Variants in MYT1L observed in about 807,000 individuals in gnomAD.
MYT1L encodes myelin transcription factor 1-like protein.
MYT1L carries 12 observed loss-of-function variants against 126.7 expected under a neutral mutation model. The observed-to-expected ratio is 0.09, with a 90% confidence interval of 0.06 to 0.15. The LOEUF is 0.15. Among genes scored for constraint, MYT1L ranks in the 10% least tolerant of loss-of-function variants. The probability of loss-of-function intolerance (pLI) is 1.00; values close to 1 mark genes in which losing one functional copy is unlikely to be tolerated. For synonymous variants in MYT1L, 541 were observed against 604.2 expected (o/e 0.90, Z 1.53); for missense variants, 979 against 1,585.2 (o/e 0.62, Z 6.49).
intron 5 of MYT1L, among the ~76,000 whole-genome samples, chr2:1,981,207 A>C (rs900007805): frequency 6.6e-5 from 10 of 152,212 alleles, no homozygotes; most frequent in Admixed American, 3.9e-4. Context: ...AATACTATGG[A>C]TGAGTATTAT....
intron 3 of MYT1L, among the ~76,000 whole-genome samples, chr2:2,055,084 T>G (rs866905805): frequency 1.3e-5 from 2 of 152,178 alleles, no homozygotes; most frequent in African/African-American, 2.4e-5. Context: ...TTTAAGAAAA[T>G]TAATGAAATT....
chr2:1,982,767 G>A (rs1365831480), intron 5 of MYT1L, among the ~76,000 whole-genome samples: 1 of 152,116 alleles, frequency 6.6e-6, no homozygotes, highest in African/African-American at 2.4e-5. Context: ...AGCAGAACAG[G>A]GGCCAGTCAC....
chr2:2,282,140 A>G (rs1161923162), intron 2 of MYT1L, among the ~76,000 whole-genome samples: 3 of 152,232 alleles, frequency 2.0e-5, no homozygotes, highest in African/African-American at 7.2e-5. Flanking sequence ...CAGAGACTCA[A>G]TATAAGCGTG....
chr2:2,119,671 T>C (rs1186946124), intron 3 of MYT1L, among the ~76,000 whole-genome samples: 1 of 152,216 alleles, frequency 6.6e-6, no homozygotes, highest in Non-Finnish European at 1.5e-5. Context: ...TATTCTTCCC[T>C]TGCTAGTGAC....
chr2:2,150,608 T>C (rs2085600984), intron 3 of MYT1L, among the ~76,000 whole-genome samples: 1 of 152,176 alleles, frequency 6.6e-6, no homozygotes, highest in South Asian at 2.1e-4. Context: ...ACAGCACAGA[T>C]CATGATAATA....
At chr2:1,940,526 T>G (rs942113670) in intron 9 of MYT1L, among the ~76,000 whole-genome samples, 1 of 150,090 alleles carries the variant, frequency 6.7e-6, no homozygotes, top group Non-Finnish European at 1.5e-5. Context: ...GCAGGTAGGT[T>G]ATCTCTCAAC....
At chr2:2,167,501 T>C (rs1048779153) in intron 3 of MYT1L, among the ~76,000 whole-genome samples, 1 of 152,174 alleles carries the variant, frequency 6.6e-6, no homozygotes, top group Non-Finnish European at 1.5e-5. Context: ...CACTTCACAC[T>C]GGGAAATCAA....
intron 8 of MYT1L, among the ~76,000 whole-genome samples, chr2:1,946,040 C>G (rs2057183090): frequency 6.6e-6 from 1 of 152,178 alleles, no homozygotes; most frequent in East Asian, 1.9e-4. Flanking sequence ...TCTGTATTTA[C>G]AGCTGCTCCC....
At chr2:1,827,660 A>G (rs928451467) in intron 21 of MYT1L, 3 of 152,202 alleles carry the variant, frequency 2.0e-5, no homozygotes, top group African/African-American at 7.2e-5. Context: ...TCATCATCAG[A>G]GACTTCAGTG....
chr2:1,807,751 G>C (rs11127317), intron 22 of MYT1L, among the ~76,000 whole-genome samples: 74,173 of 151,840 alleles, frequency 0.49, 18,483 homozygotes, highest in Middle Eastern at 0.61. Flanking sequence ...CAGAATCACT[G>C]CTTTTGGAAA....
At chr2:1,839,898 C>T (rs2041430345) in intron 20 of MYT1L, among the ~76,000 whole-genome samples, 1 of 152,202 alleles carries the variant, frequency 6.6e-6, no homozygotes, top group Admixed American at 6.5e-5. Context: ...AGAGACGTCT[C>T]ATGAAGTCTC....
At chr2:2,174,837 T>C (rs934981576) in intron 2 of MYT1L, among the ~76,000 whole-genome samples, 1 of 152,062 alleles carries the variant, frequency 6.6e-6, no homozygotes, top group Non-Finnish European at 1.5e-5. Context: ...GGTGTGAACA[T>C]TTGTTGAGTG....
At chr2:2,037,388 TC>T (rs965298326) in intron 4 of MYT1L, among the ~76,000 whole-genome samples, 1 of 152,128 alleles carries the variant, frequency 6.6e-6, no homozygotes, top group East Asian at 1.9e-4. Flanking sequence ...CATTTATTTC[TC>T]CAGTTATGAT....
At chr2:1,981,447 C>CT (rs1260421263) in intron 5 of MYT1L, among the ~76,000 whole-genome samples, 1 of 152,158 alleles carries the variant, frequency 6.6e-6, no homozygotes, top group African/African-American at 2.4e-5. Context: ...GGAAAAGAGA[C>CT]TGTCTCTATG....
chr2:2,019,257 G>A (rs1362032630), intron 4 of MYT1L, among the ~76,000 whole-genome samples: 2 of 152,040 alleles, frequency 1.3e-5, no homozygotes, highest in Non-Finnish European at 2.9e-5. Context: ...AGTCTGATAA[G>A]ATTTGATGGT....
chr2:2,256,086 C>G (rs2094803107), intron 2 of MYT1L, among the ~76,000 whole-genome samples: 1 of 152,184 alleles, frequency 6.6e-6, no homozygotes, highest in Admixed American at 6.5e-5. Context: ...TGTTAATCAC[C>G]TCTGTAACCA....
chr2:1,862,675 T>C (rs981340323), intron 18 of MYT1L, among the ~76,000 whole-genome samples: 1 of 152,206 alleles, frequency 6.6e-6, no homozygotes, highest in Non-Finnish European at 1.5e-5. Flanking sequence ...AATTACACTG[T>C]CCTCTGCTTC....
intron 3 of MYT1L, among the ~76,000 whole-genome samples, chr2:2,093,107 T>A (rs569048482): frequency 6.6e-6 from 1 of 152,302 alleles, no homozygotes; most frequent in African/African-American, 2.4e-5. Context: ...AAAAATATTT[T>A]ATTTTTGCTA....
At chr2:1,835,696 G>A (rs2040787801) in intron 21 of MYT1L, among the ~76,000 whole-genome samples, 1 of 152,168 alleles carries the variant, frequency 6.6e-6, no homozygotes, top group South Asian at 2.1e-4. Context: ...CTGGTCACCG[G>A]GCAAACACGC....
Sources: gnomAD v4.1 joint callset for allele counts (sites outside exome capture counted in the v4.1 genomes callset) on GRCh38, gnomAD v4.1.1 for gene constraint, MANE v1.5 for transcripts, NCBI Gene and HGNC (gene_info 2026-07-23, HGNC 2026-07-21) for gene names.